LRMDA: variants seen among roughly 807,000 people sequenced by gnomAD.
LRMDA encodes the protein leucine rich melanocyte differentiation associated.
A neutral mutation model predicts 29.8 loss-of-function variants in LRMDA; 18 were observed. That is an observed-to-expected ratio of 0.60 (90% confidence interval 0.42 to 0.90). LRMDA has a LOEUF of 0.90. Among genes scored for constraint, LRMDA ranks in the 40% least tolerant of loss-of-function variants. The pLI is 0.00. For synonymous variants in LRMDA, 125 were observed against 109.4 expected (o/e 1.14, Z -0.89); for missense variants, 273 against 273.9 (o/e 1.00, Z 0.02).
intron 5 of LRMDA, among the ~76,000 whole-genome samples, chr10:76,083,855 C>T (rs1324124747): frequency 1.4e-5 from 2 of 145,696 alleles, no homozygotes; most frequent in Non-Finnish European, 3.0e-5. Flanking sequence ...AAAAAAGGGG[C>T]TCTAGTGCAT....
intron 6 of LRMDA, among the ~76,000 whole-genome samples, chr10:76,491,663 G>T (rs1842834919): frequency 6.6e-6 from 1 of 151,810 alleles, no homozygotes; most frequent in Admixed American, 6.6e-5. Context: ...TCTTCTTTGG[G>T]TTAAACCTTC....
rs148538833 is a variant in LRMDA at position 76,231,273 on chromosome 10, T to G, written c.517-93128T>G. The stretch of plus-strand genomic sequence containing the variant: ...TGTGTTATCTAACTATGGCTGTAAT[T>G]AAAGCTTTTCTCCAGCAGACATGAC... On this transcript the variant is annotated intron_variant, in intron 5 of 6. Transcript: ENST00000611255. 3.8e-3 allele frequency among the ~76,000 whole-genome samples: 586 copies of G among 152,360 alleles called. 3 individuals are homozygous for G. Among genetic ancestry groups the G allele is most frequent in the Non-Finnish European group, 6.6e-3 (447 of 68,024 alleles).
At chr10:76,211,917 A>G (rs772327629) in intron 5 of LRMDA, among the ~76,000 whole-genome samples, 8 of 152,170 alleles carry the variant, frequency 5.3e-5, no homozygotes, top group Non-Finnish European at 1.0e-4. Flanking sequence ...CAGAATTGAC[A>G]TTGGAGCTCT....
intron 2 of LRMDA, among the ~76,000 whole-genome samples, chr10:75,559,164 C>G (rs1840257157): frequency 6.6e-6 from 1 of 152,128 alleles, no homozygotes; most frequent in African/African-American, 2.4e-5. Flanking sequence ...TAAAAGTGTT[C>G]CTATTTCTCT....
chr10:76,014,128 A>ATATATATATAAT (rs1847838842), intron 2 of LRMDA, among the ~76,000 whole-genome samples: 1 of 94,886 alleles, frequency 1.1e-5, no homozygotes, highest in South Asian at 3.6e-4. Flanking sequence ...ATATATAATT[A>ATATATATATAAT]TATATATATA....
chr10:75,636,230 G>A (rs559533771), intron 2 of LRMDA, among the ~76,000 whole-genome samples: 1 of 152,344 alleles, frequency 6.6e-6, no homozygotes, highest in South Asian at 2.1e-4. Context: ...TTTAGATTCA[G>A]ACCTGAATTC....
intron 5 of LRMDA, among the ~76,000 whole-genome samples, chr10:76,297,702 G>T (rs1840428630): frequency 6.6e-6 from 1 of 152,180 alleles, no homozygotes; most frequent in Admixed American, 6.5e-5. Context: ...AAACCTTGGT[G>T]ACTTCTGAAA....
At chr10:75,451,405 CA>C (rs1278092191) in intron 2 of LRMDA, 3 of 152,158 alleles carry the variant, frequency 2.0e-5, no homozygotes, top group African/African-American at 7.2e-5. Context: ...TGATGCCCGA[CA>C]AATGCCAGCT....
At chr10:75,712,587 A>T (rs1842449746) in intron 2 of LRMDA, among the ~76,000 whole-genome samples, 1 of 152,198 alleles carries the variant, frequency 6.6e-6, no homozygotes, top group Non-Finnish European at 1.5e-5. Flanking sequence ...GGATGAGGGC[A>T]GAGGGGGAAT....
intron 2 of LRMDA, among the ~76,000 whole-genome samples, chr10:75,777,747 G>A (rs1271176569): frequency 6.6e-6 from 1 of 152,162 alleles, no homozygotes; most frequent in Non-Finnish European, 1.5e-5. Context: ...CTCTGGGTTT[G>A]TTTCCTCCTT....
intron 6 of LRMDA, among the ~76,000 whole-genome samples, chr10:76,327,572 T>C (rs1564725316): frequency 1.3e-5 from 2 of 152,220 alleles, no homozygotes; most frequent in Non-Finnish European, 2.9e-5. Flanking sequence ...TGATTACATA[T>C]GTTCACCACT....
At chr10:76,118,931 A>G (rs1382755586) in intron 5 of LRMDA, among the ~76,000 whole-genome samples, 3 of 134,536 alleles carry the variant, frequency 2.2e-5, no homozygotes, top group South Asian at 4.7e-4. Context: ...GTGCCCTGGT[A>G]GCTGCAGCCC....
At chr10:76,038,017 C>G (rs1257876501) in intron 3 of LRMDA, among the ~76,000 whole-genome samples, 1 of 152,144 alleles carries the variant, frequency 6.6e-6, no homozygotes, top group Non-Finnish European at 1.5e-5. Context: ...CTTTGAAAAA[C>G]TTTGTAGTCT....
chr10:76,345,244 T>G (rs936255008), intron 6 of LRMDA, among the ~76,000 whole-genome samples: 1 of 117,864 alleles, frequency 8.5e-6, no homozygotes, highest in Non-Finnish European at 1.9e-5. Context: ...TTTTTTGTAT[T>G]TTTTTTTTTA....
intron 2 of LRMDA, among the ~76,000 whole-genome samples, chr10:76,002,509 A>G (rs1298944443): frequency 6.6e-6 from 1 of 152,160 alleles, no homozygotes; most frequent in Non-Finnish European, 1.5e-5. Flanking sequence ...ACATCTGTAA[A>G]ATGGGGATGG....
At chr10:76,074,757 T>C (rs1848931293) in intron 5 of LRMDA, among the ~76,000 whole-genome samples, 1 of 152,116 alleles carries the variant, frequency 6.6e-6, no homozygotes, top group South Asian at 2.1e-4. Context: ...TCCTCCTAGG[T>C]GAAATTCATT....
At chr10:75,853,511 G>T (rs1844769154) in intron 2 of LRMDA, among the ~76,000 whole-genome samples, 1 of 151,934 alleles carries the variant, frequency 6.6e-6, no homozygotes, top group African/African-American at 2.4e-5. Flanking sequence ...AGAACAATCT[G>T]CTTTCAAGTG....
At chr10:76,090,204 C>T (rs1431507559) in intron 5 of LRMDA, among the ~76,000 whole-genome samples, 2 of 152,180 alleles carry the variant, frequency 1.3e-5, no homozygotes, top group Non-Finnish European at 2.9e-5. Context: ...GCGCCATTGC[C>T]TGGACTGCCT....
At chr10:75,931,204 C>T (rs148546236) in intron 2 of LRMDA, among the ~76,000 whole-genome samples, 14 of 152,226 alleles carry the variant, frequency 9.2e-5, no homozygotes, top group Admixed American at 5.9e-4. Context: ...GGAGATAAAA[C>T]GGTCTGAAGA....
Sources: allele counts gnomAD v4.1 joint callset (sites outside exome capture counted in the v4.1 genomes callset), GRCh38; gene constraint gnomAD v4.1.1; transcripts MANE v1.5; gene names NCBI Gene and HGNC (gene_info 2026-07-23, HGNC 2026-07-21).